MASTL: variants seen among roughly 807,000 people sequenced by gnomAD.
The protein encoded by MASTL is microtubule associated serine/threonine kinase like, also known as serine/threonine-protein kinase greatwall.
In MASTL, 54 loss-of-function variants were observed where a neutral mutation model predicts 82.5. The ratio of observed to expected loss-of-function variants is 0.65; its 90% CI spans 0.53 to 0.82. The LOEUF (loss-of-function observed/expected upper bound fraction) is 0.82. Among genes scored for constraint, MASTL ranks in the 40% least tolerant of loss-of-function variants. MASTL has a pLI of 0.00. For synonymous variants in MASTL, 323 were observed against 368.9 expected (o/e 0.88, Z 1.43); for missense variants, 950 against 1,047.8 (o/e 0.91, Z 1.29).
At chr10:27,178,010 C>T (rs916379416) in intron 9 of MASTL, among the ~76,000 whole-genome samples, 28 of 152,236 alleles carry the variant, frequency 1.8e-4, no homozygotes, top group African/African-American at 6.3e-4. Context: ...GAAATATAGG[C>T]CTGAGGCGTT....
intron 8 of MASTL, among the ~76,000 whole-genome samples, chr10:27,172,588 A>C (rs904798104): frequency 6.6e-6 from 1 of 152,070 alleles, no homozygotes; most frequent in African/African-American, 2.4e-5. Context: ...TGGGAGGCGG[A>C]GGTTGTGGTG....
intron 6 of MASTL, among the ~76,000 whole-genome samples, chr10:27,166,147 C>A (rs2057735199): frequency 6.6e-6 from 1 of 152,070 alleles, no homozygotes; most frequent in Non-Finnish European, 1.5e-5. Context: ...GCGGAGACTG[C>A]AGTGAGCTGA....
chr10:27,180,802 C>T, intron 9 of MASTL, 151 bp from the exon 10 acceptor site: 1 of 687,860 alleles, frequency 1.5e-6, no homozygotes, highest in Admixed American at 2.1e-5. Context: ...GAAAGGCAGA[C>T]TTGCAGCTTA....
intron 6 of MASTL, among the ~76,000 whole-genome samples, chr10:27,166,224 A>G (rs12571579): frequency 0.075 from 11,373 of 152,100 alleles, 476 homozygotes; most frequent in South Asian, 0.16. Context: ...GCAATTTACC[A>G]TTATTTATTT....
intron 4 of MASTL, among the ~76,000 whole-genome samples, chr10:27,163,524 A>G (rs1247819298): frequency 6.6e-6 from 1 of 152,228 alleles, no homozygotes; most frequent in Non-Finnish European, 1.5e-5. Context: ...TTTGTAAAAT[A>G]TCATATACGT....
intron 11 of MASTL, 56 bp from the exon 12 acceptor site, chr10:27,186,323 A>C: frequency 6.8e-7 from 1 of 1,475,964 alleles, no homozygotes; most frequent in Non-Finnish European, 9.5e-7. Context: ...ATTCCTGTAA[A>C]GCAGTACTTA....
chr10:27,186,813 T>A lies in MASTL; in HGVS notation c.*277T>A, dbSNP rs1165843272. ...TATGAAAACTGAAGCATCAATAAAA[T>A]TAGAGGACACTATTGAGAGTGAGCC... On this transcript the variant is annotated 3_prime_UTR_variant, in exon 12 of 12. Coordinates refer to ENST00000375940, the MANE Select transcript of MASTL (RefSeq NM_001172303.3). 2.4e-6 allele frequency: 1 copy of A among 422,350 alleles called. No homozygotes were observed. The highest frequency in any genetic ancestry group is 4.4e-6 in the Non-Finnish European group (1 of 228,826). 26.2% of individuals were successfully genotyped at this position (422,350 alleles called of 1,614,324 possible). A position where few individuals can be genotyped will look rare whatever the true frequency, so the allele number is the denominator to read the frequency against.
In MASTL at chr10:27,155,471, G is replaced by A. The variant is rs368585484; in HGVS notation, c.45G>A (p.Ala15=). The change falls in exon 1 of 12, where the codon GCG becomes GCA. Residue 15 remains alanine (A), a synonymous_variant. Transcript: ENST00000375940. ...AGSKKEPGGG[A]ATEEGVNRIA... ...GCAAGAAGGAGCCTGGAGGAGGCGC[G>A]GCGACTGAGGAGGGCGTGAATAGGA... 109 of 1,613,712 alleles carry A rather than the reference G, an allele frequency of 6.8e-5. No individual in the cohort carries two copies. Among genetic ancestry groups the A allele is most frequent in the African/African-American group, 6.5e-4 (49 of 75,068 alleles).
chr10:27,162,591 C>A (rs2057606915), intron 4 of MASTL, among the ~76,000 whole-genome samples: 1 of 152,014 alleles, frequency 6.6e-6, no homozygotes, highest in Admixed American at 6.6e-5. Flanking sequence ...ATTGCTTAAA[C>A]CTGGGAGGCA....
chr10:27,168,323 A>G (rs780706690), intron 7 of MASTL, among the ~76,000 whole-genome samples: 1 of 152,158 alleles, frequency 6.6e-6, no homozygotes, highest in Admixed American at 6.6e-5. Flanking sequence ...TGAAGAAAAC[A>G]TATTGTTTAC....
intron 1 of MASTL, 96 bp from the exon 2 acceptor site, chr10:27,158,453 G>A (rs2057463779): frequency 1.0e-6 from 1 of 994,938 alleles, no homozygotes; most frequent in South Asian, 1.4e-5. Context: ...GCTGCAATAA[G>A]CTTTGATCAT....
At position 27,182,074 on chromosome 10, in the gene MASTL, CAAAAAAAAA is replaced by C. The variant is rs544379603; in HGVS notation, c.2482+503_2482+511del. Among the ~76,000 whole-genome samples, 2 of 95,492 alleles carry C rather than the reference CAAAAAAAAA, an allele frequency of 2.1e-5. 1 individual carries two copies. The highest frequency in any genetic ancestry group is 6.4e-4 in the East Asian group (2 of 3,146). The allele number at this position is 95,492 out of a possible 152,430, so 62.6% of individuals were successfully genotyped here. On this transcript the variant is annotated intron_variant, in intron 11 of 11. Transcript: ENST00000375940. ...TGGGCAACAGAGCGAGACTCCCTCTCAAAAAAAAAAAAAAAAAATACAAAAATTAGGCCC... is the reference window on the plus strand; with the variant it reads ...TGGGCAACAGAGCGAGACTCCCTCTCAAAAAAAAATACAAAAATTAGGCCC...
chr10:27,173,407 G>A, intron 9 of MASTL, 148 bp downstream of exon 9: 1 of 872,560 alleles, frequency 1.1e-6, no homozygotes, highest in Non-Finnish European at 1.8e-6. Flanking sequence ...ATTTGTCATA[G>A]GAAAATAAAC....
intron 4 of MASTL, among the ~76,000 whole-genome samples, chr10:27,163,370 T>C (rs2057635957): frequency 6.6e-6 from 1 of 152,208 alleles, no homozygotes. Context: ...GACTTTGAAA[T>C]CTTATTTCGA....
chr10:27,159,891 A>G lies in MASTL; in HGVS notation c.464+133A>G, dbSNP rs1325663512. 4.0e-6 allele frequency: 3 copies of G among 754,478 alleles called. No homozygotes were observed. The East Asian group carries it at 7.6e-5, about 19-fold the overall frequency. 46.7% of individuals were successfully genotyped at this position (754,478 alleles called of 1,614,324 possible). ...TAAAGTTTACTAGTAACTTGTATTC[A>G]TTTAGAAATTAACTCTTCTTTCATC... is the stretch of plus-strand genomic sequence containing the variant. On this transcript the variant is annotated intron_variant, in intron 3 of 11. Coordinates refer to ENST00000375940, the MANE Select transcript of MASTL (RefSeq NM_001172303.3). This position sits in a 1 kb window ranked among gnomAD's most constrained non-coding sequence, Gnocchi z 4.0.
At chr10:27,173,739 C>T (rs919426928) in intron 9 of MASTL, among the ~76,000 whole-genome samples, 1 of 151,948 alleles carries the variant, frequency 6.6e-6, no homozygotes, top group Non-Finnish European at 1.5e-5. Context: ...CACCATCATG[C>T]CCGCCTAATT....
At chr10:27,155,636 G>A in intron 1 of MASTL, 24 bp downstream of exon 1, 3 of 1,613,686 alleles carry the variant, frequency 1.9e-6, no homozygotes, top group African/African-American at 1.3e-5. Flanking sequence ...GAGTAGCAAG[G>A]AAGGGGTTAG....
intron 9 of MASTL, among the ~76,000 whole-genome samples, chr10:27,180,504 G>A (rs577777575): frequency 2.6e-5 from 4 of 152,238 alleles, no homozygotes; most frequent in Non-Finnish European, 5.9e-5. Context: ...CGATTCTCCT[G>A]CCTTAGTCTC....
Position 27,171,078 on chromosome 10 carries a change from C to A in MASTL, c.2119C>A (p.His707Asn), listed in dbSNP as rs1325187543. The A allele has an allele frequency of 1.2e-6, 2 of 1,612,424 alleles. No homozygotes were observed. Among genetic ancestry groups the A allele is most frequent in the Middle Eastern group, 1.6e-4 (1 of 6,082 alleles). Residue 707 changes from histidine (H) to asparagine (N), a missense_variant, in exon 8 of 12, where the codon CAT (histidine) becomes AAT (asparagine). His to Asn is a moderately conservative substitution (Grantham distance 68). Transcript: ENST00000375940. ...TCAAAAAAGAAGATCCTGTATGCCA[C>A]ATCAGGTATATTTATAACTTTCTAA... is the stretch of plus-strand genomic sequence containing the variant. ...PTQKRRSCMPHQQTPNQIKSG... is the reference protein window; with the variant it reads ...PTQKRRSCMPNQQTPNQIKSG...
Sources: allele counts gnomAD v4.1 joint callset (sites outside exome capture counted in the v4.1 genomes callset), GRCh38; gene constraint gnomAD v4.1.1; non-coding constraint Gnocchi (gnomAD v3.1); transcripts MANE v1.5; gene names NCBI Gene and HGNC (gene_info 2026-07-23, HGNC 2026-07-21).